The following P2RX6 variants were observed in gnomAD, a reference collection of about 807,000 sequenced individuals.
P2RX6 encodes the protein P2X purinoceptor 6.
P2RX6 carries 62 observed loss-of-function variants against 54.2 expected under a neutral mutation model. The ratio of observed to expected loss-of-function variants is 1.14; its 90% CI spans 0.93 to 1.41. The LOEUF is 1.41. Ranked by LOEUF, P2RX6 falls within the 40% of genes most tolerant of loss-of-function variation. The pLI, the probability that P2RX6 is intolerant of heterozygous loss-of-function variation, is 0.00. For synonymous variants in P2RX6, 211 were observed against 231.9 expected (o/e 0.91, Z 0.82); for missense variants, 541 against 566.3 (o/e 0.96, Z 0.45).
At chr22:21,014,627 C>T (rs189362799), upstream of P2RX6, among the ~76,000 whole-genome samples, 1 of 152,206 alleles carries the variant, frequency 6.6e-6, no homozygotes, top group East Asian at 1.9e-4. Context: ...GTGGCGGGGG[C>T]AGCTTTTCAG....
chr22:21,012,854 G>C (rs1925824259), upstream of P2RX6, among the ~76,000 whole-genome samples: 1 of 151,960 alleles, frequency 6.6e-6, no homozygotes, highest in South Asian at 2.1e-4. Context: ...AAGCCTGAAG[G>C]CTCCCCAACC....
intron 7 of P2RX6, 24 bp downstream of exon 7, chr22:21,023,440 G>T (rs368840259): frequency 3.7e-6 from 6 of 1,613,816 alleles, no homozygotes; most frequent in Admixed American, 1.7e-5. Flanking sequence ...TGGGGGCAGG[G>T]TTCCTAGAGG....
At position 21,026,553 on chromosome 22, in the gene P2RX6, A is replaced by C; in HGVS notation, c.1262A>C (p.Gln421Pro). The C allele has an allele frequency of 6.3e-7, 1 of 1,591,388 alleles. No individual in the cohort carries two copies. Among genetic ancestry groups the C allele is most frequent in the East Asian group, 2.3e-5 (1 of 43,546 alleles). Residue 421 changes from glutamine (Q) to proline (P), a missense_variant, in exon 12 of 12, where the codon CAG becomes CCG. Physicochemically the swap from Gln to Pro is moderately conservative, Grantham distance 76 (BLOSUM62 -1). Transcript: ENST00000413302. This position sits in a 1 kb window ranked among gnomAD's most constrained non-coding sequence, Gnocchi z 4.0. ...GCCACTGCTGCTGGGAGTCAGACAC[A>C]GACACCAGGATGGCCCTGTCCAAGT... is the stretch of plus-strand genomic sequence containing the variant. ...PTATAAGSQT[Q>P]TPGWPCPSSD...
At chr22:21,018,466 A>G (rs557630552) in intron 3 of P2RX6, 2 of 269,340 alleles carry the variant, frequency 7.4e-6, no homozygotes, top group East Asian at 9.0e-5. Flanking sequence ...GGGAGGTTCT[A>G]ATAGCAAGAG....
chr22:21,023,861 A>G (rs1927924008), intron 8 of P2RX6, among the ~76,000 whole-genome samples: 2 of 151,002 alleles, frequency 1.3e-5, no homozygotes, highest in African/African-American at 4.9e-5. Flanking sequence ...CAGGCTCCTC[A>G]CTGCCAGCCC....
Position 21,026,467 on chromosome 22 carries a change from C to G in P2RX6, c.1176C>G (p.Ala392=). ...CCAACTCTGTGTGGAGGGAGCTGGC[C>G]CTTGCATCCCAAGCCCGACTGGCCG... The part of the protein sequence containing the change: ...ATANSVWREL[A]LASQARLAEC... The change falls in exon 12 of 12, where the codon GCC becomes GCG. Residue 392 remains alanine, a synonymous_variant. Transcript: ENST00000413302. The surrounding 1 kb of genome is among the most constrained non-coding windows in gnomAD (Gnocchi z 4.0). 6.2e-7 allele frequency: 1 copy of G among 1,603,222 alleles called. No individual in the cohort carries two copies. Among genetic ancestry groups the G allele is most frequent in the Non-Finnish European group, 8.5e-7 (1 of 1,175,380 alleles).
intron 8 of P2RX6, among the ~76,000 whole-genome samples, chr22:21,025,477 A>G (rs1928267858): frequency 6.6e-6 from 1 of 152,066 alleles, no homozygotes. Context: ...TGTCCCCTCC[A>G]GGAAGTCTAC....
upstream of P2RX6, among the ~76,000 whole-genome samples, chr22:21,013,593 A>G (rs1442239711): frequency 6.6e-6 from 1 of 152,174 alleles, no homozygotes; most frequent in Non-Finnish European, 1.5e-5. Context: ...GCTCTAATAA[A>G]TGAATACATA....
upstream of P2RX6, among the ~76,000 whole-genome samples, chr22:21,013,412 G>A (rs543922983): frequency 5.9e-5 from 9 of 152,274 alleles, no homozygotes; most frequent in South Asian, 1.9e-3. Flanking sequence ...GACAACCTGG[G>A]CAACATAGCG....
Position 21,023,150 on chromosome 22 carries a change from C to T in P2RX6, c.590C>T (p.Thr197Ile). 1 of 1,613,896 alleles carries T rather than the reference C, an allele frequency of 6.2e-7. No homozygotes were observed. Among genetic ancestry groups the T allele is most frequent in the Non-Finnish European group, 8.5e-7 (1 of 1,179,836 alleles). The part of the protein sequence containing the change: ...RPLLAQAQNF[T>I]LFIKNTVTFS... Reference sequence around the variant, plus strand: ...CTGCTGGCCCAGGCCCAGAACTTCACACTGTTCATCAAAAACACAGTCACC... The same window carrying T: ...CTGCTGGCCCAGGCCCAGAACTTCATACTGTTCATCAAAAACACAGTCACC... Residue 197 changes from threonine to isoleucine, a missense_variant, in exon 6 of 12, where the codon ACA (threonine) becomes ATA (isoleucine). Physicochemically the swap from Thr to Ile is moderately conservative, Grantham distance 89. This residue lies in a region of P2RX6 where 526 missense variants were observed against 531.5 expected (regional missense o/e 0.99). Coordinates refer to ENST00000413302, the MANE Select transcript of P2RX6 (RefSeq NM_005446.5).
intron 8 of P2RX6, among the ~76,000 whole-genome samples, chr22:21,023,935 T>A (rs895344675): frequency 1.4e-5 from 2 of 147,280 alleles, no homozygotes; most frequent in South Asian, 2.2e-4. Flanking sequence ...TCATTTTTAC[T>A]TTCCCCTTCT....
Position 21,015,388 on chromosome 22 carries a change from G to C in P2RX6, c.164+50G>C, listed in dbSNP as rs1230080004. ...GGCTGGAGGGGCAAGGGAAGAGGTGGGGGGTGGGGCTTGGTCCTGCTGGGT... is the reference window on the plus strand; with the variant it reads ...GGCTGGAGGGGCAAGGGAAGAGGTGCGGGGTGGGGCTTGGTCCTGCTGGGT... On this transcript the variant is annotated intron_variant, in intron 1 of 11. Coordinates refer to ENST00000413302, the MANE Select transcript of P2RX6 (RefSeq NM_005446.5). The C allele has an allele frequency of 8.6e-6, 13 of 1,515,022 alleles. 1 individual carries two copies. Among genetic ancestry groups the C allele is most frequent in the Middle Eastern group, 2.2e-4 (1 of 4,456 alleles). The allele number at this position is 1,515,022 out of a possible 1,614,324, so 93.8% of individuals were successfully genotyped here.
At position 21,026,604 on chromosome 22, in the gene P2RX6, C is replaced by T. The variant is rs1271321107; in HGVS notation, c.1313C>T (p.Ser438Phe). ...TCTGACACCCACTTGCCAACCCATT[C>T]CGGGAGCCTGTAGCCGTTCCCTGCT... ...PSSDTHLPTH[S>F]GSL Residue 438 changes from serine to phenylalanine, a missense_variant, in exon 12 of 12, where the codon TCC becomes TTC. This residue lies in a region of P2RX6 where 526 missense variants were observed against 531.5 expected (regional missense o/e 0.99). Transcript: ENST00000413302. The surrounding 1 kb of genome is among the most constrained non-coding windows in gnomAD (Gnocchi z 4.0). The T allele has an allele frequency of 6.3e-7, 1 of 1,585,122 alleles. No individual in the cohort carries two copies. The highest frequency in any genetic ancestry group is 1.7e-4 in the Middle Eastern group (1 of 5,948).
intron 1 of P2RX6, among the ~76,000 whole-genome samples, chr22:21,015,555 GGCCCCCACCCA>G (rs1277128272): frequency 6.6e-6 from 1 of 152,100 alleles, no homozygotes; most frequent in Admixed American, 6.5e-5. Flanking sequence ...CTCCTTCCCA[GGCCCCCACCCA>G]GGCCCCACCC....
chr22:21,015,075 T>C (rs1453175629), upstream of P2RX6: 4 of 673,488 alleles, frequency 5.9e-6, no homozygotes, highest in Non-Finnish European at 4.7e-6. Context: ...ATCTGGATCC[T>C]GCTTTAGTGG....
chr22:21,011,140 G>C (rs1305733593), upstream of P2RX6, among the ~76,000 whole-genome samples: 1 of 151,172 alleles, frequency 6.6e-6, no homozygotes, highest in Non-Finnish European at 1.5e-5. Context: ...TTTTGTTCAA[G>C]GTGGATCCCT....
chr22:21,025,148 T>C (rs1180229157), intron 8 of P2RX6, among the ~76,000 whole-genome samples: 1 of 152,202 alleles, frequency 6.6e-6, no homozygotes, highest in Non-Finnish European at 1.5e-5. Context: ...CCCAAAGTGC[T>C]GGGATTACAG....
At chr22:21,020,047 T>G (rs1012565321) in intron 3 of P2RX6, among the ~76,000 whole-genome samples, 3 of 151,928 alleles carry the variant, frequency 2.0e-5, no homozygotes, top group Non-Finnish European at 4.4e-5. Context: ...ATGGCCAGAT[T>G]TTGGGGGCCT....
chr22:21,020,356 C>T (rs562090112), intron 3 of P2RX6, among the ~76,000 whole-genome samples: 1 of 152,274 alleles, frequency 6.6e-6, no homozygotes, highest in East Asian at 1.9e-4. Flanking sequence ...ATCCTGGTGC[C>T]TGATCCCTCC....
Sources: allele counts gnomAD v4.1 joint callset (sites outside exome capture counted in the v4.1 genomes callset), GRCh38; gene constraint gnomAD v4.1.1; regional missense constraint gnomAD v4.1.1; non-coding constraint Gnocchi (gnomAD v3.1); transcripts MANE v1.5; gene names NCBI Gene and HGNC (gene_info 2026-07-23, HGNC 2026-07-21).